Variants in ANK2 observed in about 807,000 individuals in gnomAD.
ANK2 encodes ankyrin 2, also known as ankyrin-2.
A neutral mutation model predicts 360.5 loss-of-function variants in ANK2; 83 were observed. The ratio of observed to expected loss-of-function variants is 0.23; its 90% CI spans 0.19 to 0.28. The LOEUF (loss-of-function observed/expected upper bound fraction) is 0.28. Ranked by LOEUF, ANK2 falls within the 10% of genes least tolerant of loss-of-function variation. The pLI is 1.00. For synonymous variants in ANK2, 1,740 were observed against 1,759.5 expected (o/e 0.99, Z 0.28); for missense variants, 4,201 against 4,795.7 (o/e 0.88, Z 3.66).
Position 112,834,027 on chromosome 4 carries a change from T to C in ANK2, c.-40+15763T>C, listed in dbSNP as rs1035473389. On this transcript the variant is annotated intron_variant, in intron 1 of 30. Coordinates refer to the ANK2 transcript ENST00000503271. ...CATACTACATATGCTATTCTGTGCC[T>C]TTTTTCATTTAACATGTCTTGAAGA... Among the ~76,000 whole-genome samples the C allele has an allele frequency of 2.6e-5, 4 of 152,232 alleles. No homozygotes were observed. In the East Asian group the frequency reaches 7.7e-4, roughly 29 times the overall value.
chr4:112,924,911 T>G (rs1447072684), intron 2 of ANK2, among the ~76,000 whole-genome samples: 1 of 150,388 alleles, frequency 6.6e-6, no homozygotes, highest in Non-Finnish European at 1.5e-5. Context: ...CGATCTCAGC[T>G]CATTGCAAGC....
chr4:113,301,982 A>G (rs77858968), intron 22 of ANK2, among the ~76,000 whole-genome samples: 5,173 of 152,334 alleles, frequency 0.034, 302 homozygotes, highest in African/African-American at 0.12. Context: ...GCTCTTGCAT[A>G]TATTACATCA....
intron 17 of ANK2, among the ~76,000 whole-genome samples, chr4:113,280,864 A>T (rs1477157120): frequency 6.6e-6 from 1 of 152,202 alleles, no homozygotes; most frequent in Non-Finnish European, 1.5e-5. Flanking sequence ...TGCTGTAGGC[A>T]GTGGGGTAAC....
chr4:112,814,048 G>A (rs1229318785), upstream of ANK2, among the ~76,000 whole-genome samples: 1 of 152,188 alleles, frequency 6.6e-6, no homozygotes, highest in Non-Finnish European at 1.5e-5. Flanking sequence ...AACAAAAGAA[G>A]TTTAAGGCAA....
At chr4:113,300,880 C>T (rs370494664) in intron 22 of ANK2, among the ~76,000 whole-genome samples, 71 of 152,194 alleles carry the variant, frequency 4.7e-4, no homozygotes, top group African/African-American at 1.5e-3. Flanking sequence ...CAAAGAGCCA[C>T]CAAAAAGCTC....
chr4:113,096,363 A>G (rs2091025427), intron 1 of ANK2, among the ~76,000 whole-genome samples: 1 of 152,134 alleles, frequency 6.6e-6, no homozygotes, highest in South Asian at 2.1e-4. Flanking sequence ...TCCCACATAA[A>G]ATAAATCCAG....
chr4:113,061,651 T>C (rs1163451697), intron 1 of ANK2, among the ~76,000 whole-genome samples: 1 of 152,128 alleles, frequency 6.6e-6, no homozygotes, highest in Non-Finnish European at 1.5e-5. Context: ...TTTGGGGATT[T>C]TTTAAAAAAG....
intron 1 of ANK2, among the ~76,000 whole-genome samples, chr4:112,857,475 A>G (rs2066724533): frequency 6.6e-6 from 1 of 152,194 alleles, no homozygotes; most frequent in African/African-American, 2.4e-5. Context: ...TTTCACAGGC[A>G]TATTGAAAAA....
At chr4:113,350,332 A>G (rs1167392900) in intron 37 of ANK2, 83 bp downstream of exon 37, 2 of 1,142,502 alleles carry the variant, frequency 1.8e-6, no homozygotes, top group South Asian at 1.3e-5. Context: ...GCTAGTTGCT[A>G]TTACTAACCA....
intron 1 of ANK2, among the ~76,000 whole-genome samples, chr4:113,124,606 G>T (rs1582306853): frequency 1.3e-5 from 2 of 152,070 alleles, no homozygotes; most frequent in Admixed American, 1.3e-4. Flanking sequence ...TTACTCAGTT[G>T]TACAGGATTC....
chr4:112,949,636 T>A (rs959691154), intron 2 of ANK2, among the ~76,000 whole-genome samples: 1 of 152,156 alleles, frequency 6.6e-6, no homozygotes, highest in Non-Finnish European at 1.5e-5. Flanking sequence ...AAATAATTGA[T>A]CTCTATTTGG....
intron 1 of ANK2, among the ~76,000 whole-genome samples, chr4:112,861,853 G>T (rs974431968): frequency 1.3e-5 from 2 of 152,084 alleles, no homozygotes; most frequent in Non-Finnish European, 2.9e-5. Context: ...GAGAGAGAGA[G>T]AGAGAGAGAG....
the ANK2 span, among the ~76,000 whole-genome samples, chr4:112,749,718 T>G: frequency 6.6e-6 from 1 of 152,130 alleles, no homozygotes; most frequent in African/African-American, 2.4e-5. Context: ...AGTTGCTAAA[T>G]TTTGGGATTA....
intron 2 of ANK2, among the ~76,000 whole-genome samples, chr4:112,923,599 G>A (rs62317092): frequency 0.18 from 27,058 of 152,098 alleles, 3,113 homozygotes; most frequent in Non-Finnish European, 0.26. Context: ...AAAAATTCAT[G>A]ACTGCTCTAA....
At chr4:113,376,492 G>C (rs2096938286) in intron 45 of ANK2, among the ~76,000 whole-genome samples, 2 of 152,194 alleles carry the variant, frequency 1.3e-5, no homozygotes, top group Admixed American at 1.3e-4. Context: ...GAAAGCCTAG[G>C]ACGTTATTAT....
intron 1 of ANK2, among the ~76,000 whole-genome samples, chr4:112,856,454 GT>G (rs534646859): frequency 6.6e-4 from 101 of 152,334 alleles, no homozygotes; most frequent in African/African-American, 2.2e-3. Flanking sequence ...TTGGCCGGGT[GT>G]GGTGGCTCAC....
chr4:112,826,819 ATAAAG>A, intron 1 of ANK2: 2 of 1,234,316 alleles, frequency 1.6e-6, no homozygotes, highest in Non-Finnish European at 2.3e-6. Flanking sequence ...ACTCAAAAAA[ATAAAG>A]TAAAAGAGAA....
At chr4:113,362,205 T>A (rs967595823) in intron 39 of ANK2, among the ~76,000 whole-genome samples, 1 of 152,162 alleles carries the variant, frequency 6.6e-6, no homozygotes, top group Non-Finnish European at 1.5e-5. Flanking sequence ...GGGCTTTAGG[T>A]GGTTTCCCAG....
Position 113,355,947 on chromosome 4 carries a change from A to G in ANK2, c.7329A>G (p.Leu2443=), listed in dbSNP as rs1346603121. 1 of 1,614,128 alleles carries G rather than the reference A, an allele frequency of 6.2e-7. No homozygotes were observed. The part of the protein sequence containing the change: ...HKDSLEASPV[L]EDNSSHKTPD... The stretch of plus-strand genomic sequence containing the variant: ...ACTCTCTGGAAGCCAGCCCTGTGCT[A>G]GAAGATAACTCTTCACACAAAACCC... The change falls in exon 38 of 46, where the codon CTA becomes CTG. Residue 2443 remains leucine, a synonymous_variant. Transcript: ENST00000357077.
Sources: gnomAD v4.1 joint callset for allele counts (sites outside exome capture counted in the v4.1 genomes callset) on GRCh38, gnomAD v4.1.1 for gene constraint, MANE v1.5 for transcripts, NCBI Gene and HGNC (gene_info 2026-07-23, HGNC 2026-07-21) for gene names.